CA10: variants seen among roughly 807,000 people sequenced by gnomAD.
CA10 encodes the protein carbonic anhydrase-related protein 10.
CA10 carries 14 observed loss-of-function variants against 44.2 expected under a neutral mutation model. The ratio of observed to expected loss-of-function variants is 0.32; its 90% CI spans 0.21 to 0.50. The LOEUF is 0.50. Ranked by LOEUF, CA10 falls within the 20% of genes least tolerant of loss-of-function variation. CA10 has a pLI of 0.99. For synonymous variants in CA10, 159 were observed against 141.6 expected, an observed-to-expected ratio of 1.12 and a Z score of -0.87; for missense variants, 350 against 409.7, an observed-to-expected ratio of 0.85 and a Z score of 1.26.
intron 2 of CA10, among the ~76,000 whole-genome samples, chr17:51,962,990 T>C (rs1453437594): frequency 3.9e-5 from 6 of 152,098 alleles, no homozygotes; most frequent in Non-Finnish European, 8.8e-5. Flanking sequence ...CAATGATATC[T>C]AAAACAAGGT....
At chr17:51,929,224 A>T (rs73987315) in intron 3 of CA10, among the ~76,000 whole-genome samples, 2 of 151,894 alleles carry the variant, frequency 1.3e-5, no homozygotes, top group African/African-American at 4.8e-5. Context: ...CTGTGTTGAC[A>T]TTTTTTTCTT....
chr17:52,058,057 C>T (rs1367877574), intron 2 of CA10, among the ~76,000 whole-genome samples: 1 of 152,070 alleles, frequency 6.6e-6, no homozygotes, highest in African/African-American at 2.4e-5. Context: ...ATGGCTGCAA[C>T]GTGACCCAAA....
At chr17:51,932,498 C>T (rs1982704098) in intron 2 of CA10, among the ~76,000 whole-genome samples, 1 of 152,104 alleles carries the variant, frequency 6.6e-6, no homozygotes, top group Non-Finnish European at 1.5e-5. Context: ...AAATAAGTTC[C>T]TTGGCCTAGA....
At chr17:51,776,341 C>T (rs1409249720) in intron 3 of CA10, among the ~76,000 whole-genome samples, 2 of 151,890 alleles carry the variant, frequency 1.3e-5, no homozygotes, top group East Asian at 3.9e-4. Context: ...CGCCACTGCA[C>T]CCCAGCCTCA....
At chr17:51,794,561 A>C (rs888256753) in intron 3 of CA10, among the ~76,000 whole-genome samples, 1 of 152,228 alleles carries the variant, frequency 6.6e-6, no homozygotes, top group Non-Finnish European at 1.5e-5. Context: ...ATATTTACTA[A>C]ATAACACCAA....
chr17:52,157,882 T>G lies in CA10; in HGVS notation c.-96A>C. The G allele has an allele frequency of 1.0e-6, 1 of 952,552 alleles. No individual in the cohort carries two copies. The highest frequency in any genetic ancestry group is 1.7e-6 in the Non-Finnish European group (1 of 581,626). 59.0% of individuals were successfully genotyped at this position (952,552 alleles called of 1,614,324 possible). On this transcript the variant is annotated 5_prime_UTR_variant, in exon 1 of 9. Transcript: ENST00000451037. The stretch of plus-strand genomic sequence containing the variant: ...ACACACATACACACTCGCACACACT[T>G]CCGAGCGAGTGCACACTCGCACTCC...
chr17:51,882,141 T>C lies in CA10; in HGVS notation c.279+48849A>G, dbSNP rs529854845. On this transcript the variant is annotated intron_variant, in intron 3 of 8. Transcript: ENST00000451037. ...TAAAATAGATGCGTATGTTATGCTG[T>C]TGGCTAAAAAGAAAGAAAAGTTGCA... 1.8e-3 allele frequency among the ~76,000 whole-genome samples: 280 copies of C among 152,028 alleles called. 1 individual carries two copies. Among genetic ancestry groups the C allele is most frequent in the African/African-American group, 6.4e-3 (264 of 41,532 alleles).
chr17:52,130,580 T>C (rs1346230911), intron 1 of CA10, among the ~76,000 whole-genome samples: 1 of 152,236 alleles, frequency 6.6e-6, no homozygotes, highest in Non-Finnish European at 1.5e-5. Context: ...CTCACTTATA[T>C]GTGGAACGTA....
chr17:52,136,945 C>T (rs1989373566), intron 1 of CA10, among the ~76,000 whole-genome samples: 1 of 152,144 alleles, frequency 6.6e-6, no homozygotes, highest in South Asian at 2.1e-4. Flanking sequence ...TGATCTTTTA[C>T]TAAATGAACT....
At chr17:51,730,903 A>AT (rs1238784350) in intron 4 of CA10, among the ~76,000 whole-genome samples, 2 of 79,654 alleles carry the variant, frequency 2.5e-5, no homozygotes, top group African/African-American at 4.2e-5. Flanking sequence ...CAACACAGGG[A>AT]TAAAAAAAAA....
At chr17:51,861,420 G>A (rs569058582) in intron 3 of CA10, among the ~76,000 whole-genome samples, 1 of 152,168 alleles carries the variant, frequency 6.6e-6, no homozygotes, top group South Asian at 2.1e-4. Context: ...TGTACATACA[G>A]CAAGTATAGG....
chr17:51,956,514 T>C (rs1983670208), intron 2 of CA10, among the ~76,000 whole-genome samples: 1 of 152,196 alleles, frequency 6.6e-6, no homozygotes, highest in Admixed American at 6.5e-5. Context: ...CAAAAATAAT[T>C]GTCTTCAACA....
chr17:51,831,790 G>A (rs569747941), intron 3 of CA10, among the ~76,000 whole-genome samples: 1 of 149,462 alleles, frequency 6.7e-6, no homozygotes, highest in Non-Finnish European at 1.5e-5. Flanking sequence ...TAAGGTCACC[G>A]CTAGTTGCAA....
chr17:51,769,591 A>G (rs1040693609), intron 3 of CA10, among the ~76,000 whole-genome samples: 8 of 152,162 alleles, frequency 5.3e-5, no homozygotes, highest in Non-Finnish European at 1.2e-4. Flanking sequence ...AGCTATATGT[A>G]AAAGGGGGTG....
chr17:51,779,336 C>G (rs1054069028), intron 3 of CA10, among the ~76,000 whole-genome samples: 2 of 152,100 alleles, frequency 1.3e-5, no homozygotes, highest in Non-Finnish European at 2.9e-5. Flanking sequence ...TTTCATCATT[C>G]TTCCCCCTAG....
chr17:52,032,678 T>C (rs1183694240), intron 2 of CA10, among the ~76,000 whole-genome samples: 2 of 152,184 alleles, frequency 1.3e-5, no homozygotes, highest in Non-Finnish European at 2.9e-5. Context: ...ACCTTCCTTC[T>C]GCATGACAAA....
chr17:51,691,418 G>T (rs958127305), intron 4 of CA10, among the ~76,000 whole-genome samples: 1 of 152,118 alleles, frequency 6.6e-6, no homozygotes, highest in African/African-American at 2.4e-5. Flanking sequence ...TTTAAATCAG[G>T]TGTTTTTACT....
chr17:52,045,400 AT>A (rs1986884894), intron 2 of CA10, among the ~76,000 whole-genome samples: 1 of 152,066 alleles, frequency 6.6e-6, no homozygotes, highest in African/African-American at 2.4e-5. Context: ...AAAGTTAAAT[AT>A]TTGGATAAAT....
intron 4 of CA10, among the ~76,000 whole-genome samples, chr17:51,689,969 A>G (rs1366647175): frequency 2.7e-5 from 4 of 148,920 alleles, no homozygotes; most frequent in Admixed American, 2.7e-4. Flanking sequence ...TTTTTTTGAG[A>G]TGGAGTCTCA....
Sources: gnomAD v4.1 joint callset for allele counts (sites outside exome capture counted in the v4.1 genomes callset) on GRCh38, gnomAD v4.1.1 for gene constraint, MANE v1.5 for transcripts, NCBI Gene and HGNC (gene_info 2026-07-23, HGNC 2026-07-21) for gene names.